The following PLCB1 variants were observed in gnomAD, a reference collection of about 807,000 sequenced individuals.
PLCB1 encodes phospholipase C beta 1, also known as 1-phosphatidylinositol 4,5-bisphosphate phosphodiesterase beta-1.
PLCB1 carries 46 observed loss-of-function variants against 161.8 expected under a neutral mutation model. The ratio of observed to expected loss-of-function variants is 0.28; its 90% CI spans 0.22 to 0.36. PLCB1 has a LOEUF of 0.36. Among genes scored for constraint, PLCB1 ranks in the 10% least tolerant of loss-of-function variants. The probability of loss-of-function intolerance (pLI) is 1.00; values close to 1 mark genes in which losing one functional copy is unlikely to be tolerated. For synonymous variants in PLCB1, 517 were observed against 503.7 expected, an observed-to-expected ratio of 1.03 and a Z score of -0.35; for missense variants, 1,016 against 1,472.5, an observed-to-expected ratio of 0.69 and a Z score of 5.07.
At position 8,859,119 on chromosome 20, in the gene PLCB1, G is replaced by A. The variant is rs144882211; in HGVS notation, c.3424-22503G>A. Among the ~76,000 whole-genome samples the A allele has an allele frequency of 3.3e-3, 496 of 152,190 alleles. 2 individuals are homozygous for A. The highest frequency in any genetic ancestry group is 9.5e-3 in the African/African-American group (394 of 41,504). On this transcript the variant is annotated intron_variant, in intron 31 of 31. Transcript: ENST00000338037. ...CTGGTCCCTCTTCCTCAAGGTTTCC[G>A]CTTTGGAAGTAGGGACTGATTCTTA... is the stretch of plus-strand genomic sequence containing the variant.
chr20:8,560,090 C>T (rs1156666164), intron 3 of PLCB1, among the ~76,000 whole-genome samples: 1 of 151,842 alleles, frequency 6.6e-6, no homozygotes, highest in Non-Finnish European at 1.5e-5. Context: ...TATGAGAATC[C>T]CCTGGGAGGC....
chr20:8,851,182 C>T (rs1003267193), intron 31 of PLCB1, among the ~76,000 whole-genome samples: 18 of 152,142 alleles, frequency 1.2e-4, no homozygotes, highest in African/African-American at 2.9e-4. Context: ...GTGGAATCCC[C>T]GATTAGATGA....
At chr20:8,279,696 C>G (rs1237598363) in intron 2 of PLCB1, among the ~76,000 whole-genome samples, 1 of 152,116 alleles carries the variant, frequency 6.6e-6, no homozygotes, top group African/African-American at 2.4e-5. Context: ...ACACTATAAA[C>G]GCACTCCACA....
At chr20:8,486,961 G>A (rs1401001854) in intron 3 of PLCB1, among the ~76,000 whole-genome samples, 1 of 152,206 alleles carries the variant, frequency 6.6e-6, no homozygotes, top group Non-Finnish European at 1.5e-5. Flanking sequence ...GGTTGCAGGT[G>A]GCATAAGGCT....
intron 31 of PLCB1, among the ~76,000 whole-genome samples, chr20:8,803,190 G>C (rs1311120285): frequency 6.6e-6 from 1 of 151,902 alleles, no homozygotes; most frequent in African/African-American, 2.4e-5. Context: ...GAATTACTTG[G>C]ACATCCTGTT....
chr20:8,817,989 T>C (rs6039282), intron 31 of PLCB1, among the ~76,000 whole-genome samples: 4 of 152,138 alleles, frequency 2.6e-5, no homozygotes, highest in Non-Finnish European at 5.9e-5. Context: ...AAATTTTTAG[T>C]GATCTATATA....
chr20:8,172,117 C>T (rs2051738699), intron 2 of PLCB1, among the ~76,000 whole-genome samples: 1 of 152,060 alleles, frequency 6.6e-6, no homozygotes, highest in Non-Finnish European at 1.5e-5. Flanking sequence ...ACTTATTCAG[C>T]ACAATTTTAT....
At chr20:8,572,799 C>G (rs1456161808) in intron 3 of PLCB1, among the ~76,000 whole-genome samples, 1 of 152,112 alleles carries the variant, frequency 6.6e-6, no homozygotes, top group Non-Finnish European at 1.5e-5. Flanking sequence ...GTACTGGGCC[C>G]TGTGTGACTG....
Position 8,822,945 on chromosome 20 carries a change from C to T in PLCB1, c.3423+32684C>T, listed in dbSNP as rs776613979. On this transcript the variant is annotated intron_variant, in intron 31 of 31. Transcript: ENST00000338037. Reference sequence around the variant, plus strand: ...GATCAGAAATATTTGGGGGAAAAAACGGTGTCTGTACTGAACGTGTATAGA... The same window carrying T: ...GATCAGAAATATTTGGGGGAAAAAATGGTGTCTGTACTGAACGTGTATAGA... Among the ~76,000 whole-genome samples the T allele has an allele frequency of 4.0e-4, 61 of 152,222 alleles. 1 individual carries two copies. The highest frequency in any genetic ancestry group is 1.2e-3 in the African/African-American group (48 of 41,536).
intron 2 of PLCB1, among the ~76,000 whole-genome samples, chr20:8,206,097 A>G (rs1377470158): frequency 6.6e-6 from 1 of 152,210 alleles, no homozygotes; most frequent in East Asian, 1.9e-4. Flanking sequence ...ATCCTCCTAC[A>G]GTAAGCTTCA....
At chr20:8,387,977 T>TTAAAA (rs1555802978) in intron 3 of PLCB1, among the ~76,000 whole-genome samples, 2 of 126,800 alleles carry the variant, frequency 1.6e-5, no homozygotes, top group Non-Finnish European at 3.3e-5. Context: ...CCACTTTTTT[T>TTAAAA]AAAAAAAAAA....
intron 16 of PLCB1, 124 bp downstream of exon 16, chr20:8,724,876 T>C (rs1210508722): frequency 6.6e-6 from 4 of 610,254 alleles, no homozygotes; most frequent in Non-Finnish European, 1.2e-5. Context: ...GTCTTAAATA[T>C]ATGTACATTT....
At chr20:8,631,363 T>C (rs1166246574) in intron 4 of PLCB1, among the ~76,000 whole-genome samples, 1 of 152,232 alleles carries the variant, frequency 6.6e-6, no homozygotes, top group African/African-American at 2.4e-5. Flanking sequence ...TGTTAAATAT[T>C]GGCAACAGTT....
intron 2 of PLCB1, among the ~76,000 whole-genome samples, chr20:8,330,144 A>G (rs1985311417): frequency 6.6e-6 from 1 of 152,210 alleles, no homozygotes; most frequent in Non-Finnish European, 1.5e-5. Context: ...TGAGAACAAT[A>G]ACATCGAATC....
intron 3 of PLCB1, among the ~76,000 whole-genome samples, chr20:8,620,747 CAAAAAA>C (rs779029928): frequency 0.24 from 18,138 of 75,212 alleles, 1,326 homozygotes; most frequent in East Asian, 0.4. Context: ...CTGCCCCCAC[CAAAAAA>C]AAAAAAAAAA....
chr20:8,874,437 T>C (rs6056223), intron 31 of PLCB1, among the ~76,000 whole-genome samples: 18,931 of 151,988 alleles, frequency 0.12, 2,024 homozygotes, highest in East Asian at 0.39. Context: ...TAGGATATAT[T>C]TGATGAATAA....
At chr20:8,734,148 A>AAAAAAAAAAC in intron 19 of PLCB1, among the ~76,000 whole-genome samples, 1 of 149,584 alleles carries the variant, frequency 6.7e-6, no homozygotes, top group Non-Finnish European at 1.5e-5. Context: ...AAAAAAAAAA[A>AAAAAAAAAAC]AAAAAAAAAA....
chr20:8,206,509 A>T (rs1413254435), intron 2 of PLCB1, among the ~76,000 whole-genome samples: 1 of 152,162 alleles, frequency 6.6e-6, no homozygotes, highest in Non-Finnish European at 1.5e-5. Flanking sequence ...TTGGAAATTA[A>T]TAGTCTTTCA....
chr20:8,688,825 C>A (rs546995327), intron 10 of PLCB1, among the ~76,000 whole-genome samples: 4 of 152,010 alleles, frequency 2.6e-5, no homozygotes, highest in Non-Finnish European at 5.9e-5. Flanking sequence ...TTTGGCTATG[C>A]GGGCTATTTT....
Sources: gnomAD v4.1 joint callset for allele counts (sites outside exome capture counted in the v4.1 genomes callset) on GRCh38, gnomAD v4.1.1 for gene constraint, MANE v1.5 for transcripts, NCBI Gene and HGNC (gene_info 2026-07-23, HGNC 2026-07-21) for gene names.